The following FYN variants were observed in gnomAD, a reference collection of about 807,000 sequenced individuals.
The protein encoded by FYN is tyrosine-protein kinase Fyn.
FYN carries 10 observed loss-of-function variants against 70.2 expected under a neutral mutation model. The observed-to-expected ratio is 0.14, with a 90% CI of 0.09 to 0.24. The LOEUF is 0.24. Among genes scored for constraint, FYN ranks in the 10% least tolerant of loss-of-function variants. The pLI is 1.00. For missense variants in FYN, 319 were observed against 673.1 expected (o/e 0.47, Z 5.82); for synonymous variants, 236 against 248.6 (o/e 0.95, Z 0.48).
At chr6:111,761,465 G>A (rs1803002232) in intron 3 of FYN, among the ~76,000 whole-genome samples, 1 of 152,222 alleles carries the variant, frequency 6.6e-6, no homozygotes, top group Non-Finnish European at 1.5e-5. Flanking sequence ...AAGGAGAACA[G>A]TTAATGAATG....
chr6:111,845,955 C>T (rs1773515097), intron 2 of FYN, among the ~76,000 whole-genome samples: 1 of 152,210 alleles, frequency 6.6e-6, no homozygotes, highest in Admixed American at 6.5e-5. Flanking sequence ...ATAGCTCAGC[C>T]CTCAGTCAGA....
chr6:111,782,891 G>C (rs1000533249), intron 2 of FYN, among the ~76,000 whole-genome samples: 1 of 152,172 alleles, frequency 6.6e-6, no homozygotes. Flanking sequence ...TTCTGAGGCA[G>C]GTGGGACAAA....
chr6:111,668,546 T>C (rs1004795353), intron 13 of FYN, among the ~76,000 whole-genome samples: 7 of 148,538 alleles, frequency 4.7e-5, no homozygotes, highest in Admixed American at 4.0e-4. Context: ...AGGGTGCCCA[T>C]GAGGAAGGCC....
chr6:111,863,999 G>A (rs1397101122), intron 1 of FYN, among the ~76,000 whole-genome samples: 3 of 152,158 alleles, frequency 2.0e-5, no homozygotes, highest in East Asian at 3.9e-4. Context: ...GATGAGAAGC[G>A]TTCAGCCCTG....
intron 2 of FYN, among the ~76,000 whole-genome samples, chr6:111,824,049 C>T (rs1772758152): frequency 1.3e-5 from 2 of 152,162 alleles, no homozygotes; most frequent in African/African-American, 4.8e-5. Flanking sequence ...AATAACATTT[C>T]AAACTGGGCA....
intron 2 of FYN, among the ~76,000 whole-genome samples, chr6:111,784,386 T>C (rs907581295): frequency 5.9e-5 from 9 of 152,184 alleles, no homozygotes; most frequent in Non-Finnish European, 1.2e-4. Flanking sequence ...GGCTCAATCA[T>C]ATGAGGGACA....
chr6:111,861,882 G>A (rs1773973886), intron 1 of FYN, among the ~76,000 whole-genome samples: 1 of 152,214 alleles, frequency 6.6e-6, no homozygotes, highest in Admixed American at 6.5e-5. Context: ...GAGCTGTAGA[G>A]TTAAATCATT....
At chr6:111,692,107 C>G (rs75997818) in intron 12 of FYN, among the ~76,000 whole-genome samples, 7,721 of 148,364 alleles carry the variant, frequency 0.052, 269 homozygotes, top group East Asian at 0.14. Context: ...CATTTCCCCC[C>G]CCCCCAGTTC....
chr6:111,671,859 G>C (rs146206937), intron 13 of FYN, among the ~76,000 whole-genome samples: 9 of 152,184 alleles, frequency 5.9e-5, no homozygotes, highest in African/African-American at 2.2e-4. Flanking sequence ...CCTATAATTG[G>C]AATCCCTCTG....
At position 111,681,303 on chromosome 6, in the gene FYN, C is replaced by T. The variant is rs149806393; in HGVS notation, c.1274-6673G>A. 1.2e-3 allele frequency among the ~76,000 whole-genome samples: 187 copies of T among 152,286 alleles called. 1 individual carries two copies. Among genetic ancestry groups the T allele is most frequent in the African/African-American group, 4.0e-3 (165 of 41,562 alleles). On this transcript the variant is annotated intron_variant, in intron 12 of 13. Transcript: ENST00000354650. ...TCGGCCTCCCAAAGTGCTGCAATTACAGGCATGAGCCACTGCACCTAGTTT... is the reference window on the plus strand; with the variant it reads ...TCGGCCTCCCAAAGTGCTGCAATTATAGGCATGAGCCACTGCACCTAGTTT...
intron 2 of FYN, among the ~76,000 whole-genome samples, chr6:111,804,295 G>T (rs1033774776): frequency 5.3e-5 from 8 of 152,064 alleles, no homozygotes; most frequent in Non-Finnish European, 1.2e-4. Context: ...TGGGGGAACT[G>T]GGGGGAACTG....
intron 2 of FYN, among the ~76,000 whole-genome samples, chr6:111,788,014 T>C (rs1449545815): frequency 1.3e-5 from 2 of 152,160 alleles, no homozygotes; most frequent in South Asian, 2.1e-4. Flanking sequence ...TTCTCACTTG[T>C]CCCTCCTCGG....
Position 111,808,905 on chromosome 6 carries a change from C to A in FYN, c.-81-28270G>T, listed in dbSNP as rs535214870. On this transcript the variant is annotated intron_variant, in intron 2 of 13. Transcript: ENST00000354650. Reference sequence around the variant, plus strand: ...GTTCTTATCAAATATTTATGGAGCACCTATTCCATGCAAGAAATGATATCT... The same window carrying A: ...GTTCTTATCAAATATTTATGGAGCAACTATTCCATGCAAGAAATGATATCT... Among the ~76,000 whole-genome samples the A allele has an allele frequency of 4.6e-5, 7 of 152,248 alleles. No individual in the cohort carries two copies. In the South Asian group the frequency reaches 1.4e-3, roughly 32 times the overall value.
intron 13 of FYN, among the ~76,000 whole-genome samples, chr6:111,672,806 A>C (rs574448011): frequency 5.9e-5 from 9 of 152,046 alleles, no homozygotes; most frequent in Non-Finnish European, 1.3e-4. Context: ...GACTGAAGCT[A>C]CGCTGAATGA....
intron 5 of FYN, among the ~76,000 whole-genome samples, chr6:111,712,950 C>A (rs892522551): frequency 2.6e-5 from 4 of 152,202 alleles, no homozygotes; most frequent in Non-Finnish European, 5.9e-5. Flanking sequence ...TACGTTCACA[C>A]TGTTGTGCAA....
intron 1 of FYN, among the ~76,000 whole-genome samples, chr6:111,872,089 C>G (rs1202119052): frequency 6.6e-6 from 1 of 152,080 alleles, no homozygotes; most frequent in South Asian, 2.1e-4. Flanking sequence ...CTCACACACC[C>G]GGCGAGTCTG....
At chr6:111,674,406 TG>T in intron 13 of FYN, 92 bp downstream of exon 13, 1 of 1,377,636 alleles carries the variant, frequency 7.3e-7, no homozygotes, top group Non-Finnish European at 9.9e-7. Flanking sequence ...AAGCTGAGGA[TG>T]GGGCTTAGAA....
chr6:111,772,680 G>C (rs138913903), intron 3 of FYN, among the ~76,000 whole-genome samples: 302 of 152,298 alleles, frequency 2.0e-3, no homozygotes, highest in Middle Eastern at 6.8e-3. Flanking sequence ...AGGAAGAGAA[G>C]AGCATGCTAA....
chr6:111,787,879 T>C (rs1488893077), intron 2 of FYN, among the ~76,000 whole-genome samples: 6 of 152,192 alleles, frequency 3.9e-5, no homozygotes, highest in Admixed American at 2.0e-4. Context: ...GAAAGACCAA[T>C]GACTTCCACA....
Sources: allele counts gnomAD v4.1 joint callset (sites outside exome capture counted in the v4.1 genomes callset), GRCh38; gene constraint gnomAD v4.1.1; transcripts MANE v1.5; gene names NCBI Gene and HGNC (gene_info 2026-07-23, HGNC 2026-07-21).